SLC25A45: variants seen among roughly 807,000 people sequenced by gnomAD.
The protein encoded by SLC25A45 is solute carrier family 25 member 45.
A neutral mutation model predicts 23.0 loss-of-function variants in SLC25A45; 22 were observed. The ratio of observed to expected loss-of-function variants is 0.95; its 90% CI spans 0.68 to 1.36. SLC25A45 has a LOEUF of 1.36. Ranked by LOEUF, SLC25A45 falls within the 40% of genes most tolerant of loss-of-function variation. SLC25A45 has a pLI of 0.00. For missense variants in SLC25A45, 355 were observed against 383.5 expected, an observed-to-expected ratio of 0.93 and a Z score of 0.62; for synonymous variants, 136 against 155.0, an observed-to-expected ratio of 0.88 and a Z score of 0.91.
At position 65,377,093 on chromosome 11, in the gene SLC25A45, A is replaced by G; in HGVS notation, c.340-17T>C. On this transcript the variant is annotated splice_polypyrimidine_tract_variant and intron_variant, in intron 5 of 6. Coordinates refer to ENST00000398802, the MANE Select transcript of SLC25A45 (RefSeq NM_182556.4). ...ACAGTAGGCCTGTTGGTGATGAAAC[A>G]TGAGGGCCCCGGGTGGGGCTTTGGG... 3 of 1,608,488 alleles carry G rather than the reference A, an allele frequency of 1.9e-6. No individual in the cohort carries two copies. Among genetic ancestry groups the G allele is most frequent in the Non-Finnish European group, 2.5e-6 (3 of 1,177,190 alleles).
intron 2 of SLC25A45, chr11:65,380,443 C>T (rs533318990): frequency 9.1e-7 from 1 of 1,103,820 alleles, no homozygotes; most frequent in Admixed American, 2.3e-5. Context: ...AAGAGCCAGC[C>T]AAAGACGTAC....
chr11:65,380,455 T>G, intron 2 of SLC25A45: 2 of 1,144,696 alleles, frequency 1.7e-6, no homozygotes, highest in Non-Finnish European at 2.4e-6. Flanking sequence ...AAGACGTACG[T>G]GTCCTCGCTG....
chr11:65,376,369 G>A lies in SLC25A45; in HGVS notation c.*38C>T, dbSNP rs193169403. ...CCAATCTCAAACTGGCCTCCAGGCC[G>A]TGGGCCTGATGGGGAGCTGCTGGCA... On this transcript the variant is annotated 3_prime_UTR_variant, in exon 7 of 7. Coordinates refer to ENST00000398802, the MANE Select transcript of SLC25A45 (RefSeq NM_182556.4). The A allele has an allele frequency of 8.1e-4, 1,289 of 1,601,166 alleles. 7 individuals carry two copies. The African/African-American group carries it at 0.015, about 19-fold the overall frequency.
intron 5 of SLC25A45, chr11:65,377,340 A>G (rs1855270127): frequency 2.2e-6 from 3 of 1,341,110 alleles, no homozygotes; most frequent in East Asian, 6.1e-5. Context: ...TGCCTGGCCT[A>G]CAGCAGGCAC....
chr11:65,376,648 C>G lies in SLC25A45; in HGVS notation c.626G>C (p.Gly209Ala). Residue 209 changes from glycine (G) to alanine (A), a missense_variant, in exon 7 of 7, where the codon GGC (glycine) becomes GCC (alanine). Transcript: ENST00000398802. ...CACCCAGGAAGCAATGCCTGCAAAG[C>G]CCCCTGCCACCAGCACCGTGGCTGA... ...PSSATVLVAG[G>A]FAGIASWVAA... is the part of the protein sequence containing the mutation. 6.2e-7 allele frequency: 1 copy of G among 1,613,996 alleles called. No individual in the cohort carries two copies. The highest frequency in any genetic ancestry group is 8.5e-7 in the Non-Finnish European group (1 of 1,179,998).
Position 65,376,630 on chromosome 11 carries a change from G to A in SLC25A45, c.644C>T (p.Ser215Phe), listed in dbSNP as rs1855201222. Residue 215 changes from serine (S) to phenylalanine (F), a missense_variant, in exon 7 of 7, where the codon TCC becomes TTC. By Grantham distance (155) the Ser-to-Phe change is radical. Transcript: ENST00000398802. ...GTCTAAGGGCGTGGCTGCCACCCAG[G>A]AAGCAATGCCTGCAAAGCCCCCTGC... The part of the protein sequence containing the change: ...LVAGGFAGIA[S>F]WVAATPLDMI... The A allele has an allele frequency of 6.2e-7, 1 of 1,613,968 alleles. No homozygotes were observed.
rs760034677 is a variant in SLC25A45, at chr11:65,376,804, G to A, written c.598+14C>T. ...ACACCTCTGTCCCCCATCCTCTCACGCCACTTTACTTACTGGGATTCTGGC... is the reference window on the plus strand; with the variant it reads ...ACACCTCTGTCCCCCATCCTCTCACACCACTTTACTTACTGGGATTCTGGC... On this transcript the variant is annotated intron_variant, in intron 6 of 6. Transcript: ENST00000398802. The A allele has an allele frequency of 3.3e-5, 54 of 1,614,072 alleles. No individual in the cohort carries two copies. The highest frequency in any genetic ancestry group is 1.5e-4 in the Admixed American group (9 of 60,004).
At chr11:65,379,296 C>A in intron 5 of SLC25A45, 80 bp downstream of exon 5, 2 of 1,527,250 alleles carry the variant, frequency 1.3e-6, no homozygotes, top group South Asian at 1.2e-5. Flanking sequence ...AGCTGTGGGT[C>A]GCCAGGGCAG....
intron 5 of SLC25A45, 178 bp from the exon 6 acceptor site, chr11:65,377,254 G>T (rs931299660): frequency 6.3e-6 from 9 of 1,427,326 alleles, no homozygotes; most frequent in Admixed American, 2.9e-5. Flanking sequence ...GTCTGCATGC[G>T]ACCGGGACAG....
intron 2 of SLC25A45, 118 bp downstream of exon 2, chr11:65,381,797 A>T: frequency 1.5e-6 from 2 of 1,294,438 alleles, no homozygotes; most frequent in South Asian, 1.2e-5. Context: ...GGCTCAAGTG[A>T]TCCTCCCGCC....
intron 4 of SLC25A45, 106 bp from the exon 5 acceptor site, chr11:65,379,667 G>C: frequency 7.5e-7 from 1 of 1,333,378 alleles, no homozygotes; most frequent in Non-Finnish European, 1.0e-6. Flanking sequence ...CCCAAGTCCT[G>C]CCACAGGGAA....
chr11:65,380,706 G>T, intron 2 of SLC25A45: 2 of 809,184 alleles, frequency 2.5e-6, no homozygotes, highest in Non-Finnish European at 3.5e-6. Flanking sequence ...GCCTAGCCCT[G>T]CCCTCCACAG....
chr11:65,381,748 G>A, intron 2 of SLC25A45, 167 bp downstream of exon 2: 1 of 767,504 alleles, frequency 1.3e-6, no homozygotes, highest in Non-Finnish European at 2.3e-6. Context: ...GTAGAGACAG[G>A]GGCCTCCCTA....
rs760253602 is a variant in SLC25A45, at chr11:65,379,367, C to T, written c.339+9G>A. ...GACACCTGTGTGTGCCCACTCACTG[C>T]CCCCTCACCTGCAGGAACCCCCCGG... is the stretch of plus-strand genomic sequence containing the variant. On this transcript the variant is annotated intron_variant, in intron 5 of 6. Transcript: ENST00000398802. The T allele has an allele frequency of 9.3e-6, 15 of 1,606,674 alleles. No homozygotes were observed. Among genetic ancestry groups the T allele is most frequent in the Non-Finnish European group, 1.3e-5 (15 of 1,179,704 alleles).
At chr11:65,377,354 G>A (rs1855271122) in intron 5 of SLC25A45, 8 of 1,307,988 alleles carry the variant, frequency 6.1e-6, no homozygotes, top group East Asian at 3.3e-5. Flanking sequence ...CAGGCACTCA[G>A]AACAAGCCTG....
intron 3 of SLC25A45, 32 bp downstream of exon 3, chr11:65,380,100 T>C: frequency 6.2e-7 from 1 of 1,608,468 alleles, no homozygotes. Flanking sequence ...AGGTGAGATC[T>C]TTCATTCCTC....
At chr11:65,379,796 G>C (rs1005336465) in intron 4 of SLC25A45, 71 bp downstream of exon 4, 63 of 1,575,140 alleles carry the variant, frequency 4.0e-5, no homozygotes, top group Non-Finnish European at 8.7e-6. Context: ...CTGCTGGAGA[G>C]GGAAGCTGGT....
chr11:65,380,738 GGGGGAGGT>G (rs1463728076), intron 2 of SLC25A45: 1 of 511,586 alleles, frequency 2.0e-6, no homozygotes, highest in Non-Finnish European at 3.1e-6. Flanking sequence ...TCTGGAGTTT[GGGGGAGGT>G]CGCACCCCCA....
In SLC25A45 at chr11:65,379,410, A is replaced by T; in HGVS notation, c.305T>A (p.Ile102Asn). ...CCCCCCGGTGCAGCCCGCTAGGAAG[A>T]TGTGCATGTAGCTGGGCGGCTGGGC... ...RRAQPPSYMHIFLAGCTGGFL... is the reference protein window; with the variant it reads ...RRAQPPSYMHNFLAGCTGGFL... The change falls in exon 5 of 7, where the codon ATC (isoleucine) becomes AAC (asparagine). Residue 102 changes from isoleucine (I) to asparagine (N), a missense_variant. Transcript: ENST00000398802. 1 of 1,612,628 alleles carries T rather than the reference A, an allele frequency of 6.2e-7. No homozygotes were observed. The highest frequency in any genetic ancestry group is 8.5e-7 in the Non-Finnish European group (1 of 1,179,950).
Sources: gnomAD v4.1 joint callset for allele counts on GRCh38, gnomAD v4.1.1 for gene constraint, MANE v1.5 for transcripts, NCBI Gene and HGNC (gene_info 2026-07-23, HGNC 2026-07-21) for gene names.